The following CACNA1B variants were observed in gnomAD, a reference collection of about 807,000 sequenced individuals.
CACNA1B encodes the protein voltage-dependent N-type calcium channel subunit alpha-1B.
CACNA1B carries 70 observed loss-of-function variants against 247.2 expected under a neutral mutation model. That is an observed-to-expected ratio of 0.28 (90% CI 0.23 to 0.35). The LOEUF (loss-of-function observed/expected upper bound fraction) is 0.35. Ranked by LOEUF, CACNA1B falls within the 10% of genes least tolerant of loss-of-function variation. CACNA1B has a pLI of 1.00. For synonymous variants in CACNA1B, 1,231 were observed against 1,294.4 expected (o/e 0.95, Z 1.05); for missense variants, 2,367 against 3,197.4 (o/e 0.74, Z 6.26).
At chr9:138,032,407 A>G (rs1277146181) in intron 20 of CACNA1B, among the ~76,000 whole-genome samples, 1 of 152,184 alleles carries the variant, frequency 6.6e-6, no homozygotes, top group Non-Finnish European at 1.5e-5. Flanking sequence ...GTCACACATA[A>G]TTTAGAAAAC....
chr9:138,023,237 G>A lies in CACNA1B; in HGVS notation c.2494G>A (p.Gly832Ser). The change falls in exon 19 of 47, where the codon GGC becomes AGC. Residue 832 changes from glycine (G) to serine (S), a missense_variant. By Grantham distance (56) the Gly-to-Ser change is moderately conservative. Around this residue, in one of 12 missense-constraint regions of CACNA1B, gnomAD observed 631 missense variants for 631.1 expected, o/e 1.00. Coordinates refer to ENST00000371372, the MANE Select transcript of CACNA1B (RefSeq NM_000718.4). ...CGACGGCGCGCGGGGGCCCGTGGGA[G>A]GCAAAGCCCGACCTGAGGCTGCGGA... ...GRDGARGPVGGKARPEAAEAP... is the reference protein window; with the variant it reads ...GRDGARGPVGSKARPEAAEAP... 6.6e-7 allele frequency: 1 copy of A among 1,513,472 alleles called. No homozygotes were observed. Among genetic ancestry groups the A allele is most frequent in the Non-Finnish European group, 8.8e-7 (1 of 1,139,222 alleles). 93.8% of individuals were successfully genotyped at this position (1,513,472 alleles called of 1,614,324 possible).
At chr9:138,101,035 G>T (rs1330128913) in intron 37 of CACNA1B, 3 of 467,928 alleles carry the variant, frequency 6.4e-6, no homozygotes, top group Non-Finnish European at 1.3e-5. Flanking sequence ...CCCATCACAG[G>T]CTGGGCGGGC....
In CACNA1B at chr9:137,975,354, C is replaced by T. The variant is rs1003029064; in HGVS notation, c.1544-553C>T. ...GGAGGTCTACCCTCGGGGCAGCAAA[C>T]GTGAACAGAATACAAGTCAGCCACA... On this transcript the variant is annotated intron_variant, in intron 11 of 46. Transcript: ENST00000371372. Among the ~76,000 whole-genome samples, 8 of 152,090 alleles carry T rather than the reference C, an allele frequency of 5.3e-5. 1 individual carries two copies. Among genetic ancestry groups the T allele is most frequent in the South Asian group, 4.1e-4 (2 of 4,820 alleles).
chr9:137,936,315 C>T (rs1222321599), intron 6 of CACNA1B, among the ~76,000 whole-genome samples: 1 of 152,152 alleles, frequency 6.6e-6, no homozygotes, highest in Non-Finnish European at 1.5e-5. Flanking sequence ...CCTTTGCCCA[C>T]TTTTTGATGG....
At chr9:138,118,383 G>A (rs1173988361) in intron 43 of CACNA1B, among the ~76,000 whole-genome samples, 1 of 101,170 alleles carries the variant, frequency 9.9e-6, no homozygotes, top group Non-Finnish European at 2.0e-5. Flanking sequence ...TGGGGAACAT[G>A]TGAGACTAGG....
At chr9:137,907,467 C>G (rs1386525027) in intron 3 of CACNA1B, among the ~76,000 whole-genome samples, 1 of 152,200 alleles carries the variant, frequency 6.6e-6, no homozygotes, top group African/African-American at 2.4e-5. Flanking sequence ...TTCTACAGTT[C>G]TCTCTTCCAA....
chr9:137,921,879 G>GGAGGT (rs1957485975), intron 6 of CACNA1B, among the ~76,000 whole-genome samples: 1 of 54,964 alleles, frequency 1.8e-5, no homozygotes, highest in Non-Finnish European at 3.5e-5. Context: ...GATCAGCACT[G>GGAGGT]CAGCCGCGCA....
chr9:138,023,234 G>A lies in CACNA1B; in HGVS notation c.2491G>A (p.Gly831Arg), dbSNP rs891641720. The A allele has an allele frequency of 1.6e-5, 24 of 1,512,904 alleles. No homozygotes were observed. Among genetic ancestry groups the A allele is most frequent in the Middle Eastern group, 2.0e-4 (1 of 4,898 alleles). The allele number at this position is 1,512,904 out of a possible 1,614,324, so 93.7% of individuals were successfully genotyped here. ...LGRDGARGPV[G>R]GKARPEAAEA... ...CCGCGACGGCGCGCGGGGGCCCGTG[G>A]GAGGCAAAGCCCGACCTGAGGCTGC... The change falls in exon 19 of 47, where the codon GGA (glycine) becomes AGA (arginine). Residue 831 changes from glycine to arginine, a missense_variant. This residue lies in a region of CACNA1B where 631 missense variants were observed against 631.1 expected (regional missense o/e 1.00). Coordinates refer to ENST00000371372, the MANE Select transcript of CACNA1B (RefSeq NM_000718.4).
chr9:137,952,495 T>C lies in CACNA1B; in HGVS notation c.1070+118T>C, dbSNP rs1286342868. On this transcript the variant is annotated intron_variant, in intron 7 of 46. Transcript: ENST00000371372. The surrounding 1 kb of genome is among the most constrained non-coding windows in gnomAD (Gnocchi z 4.8). ...GGCCCATGGGTGCCCTCTGTGGTGG[T>C]TGCCCCTGGTGTTCTGGGTTCTGGT... 8.8e-6 allele frequency: 7 copies of C among 797,186 alleles called. No homozygotes were observed. In the East Asian group the frequency reaches 1.6e-4, roughly 18 times the overall value. The allele number at this position is 797,186 out of a possible 1,614,324, so 49.4% of individuals were successfully genotyped here. A position where few individuals can be genotyped will look rare whatever the true frequency, so the allele number is the denominator to read the frequency against.
At chr9:138,112,320 GC>G in intron 39 of CACNA1B, 77 bp from the exon 40 acceptor site, 1 of 987,262 alleles carries the variant, frequency 1.0e-6, no homozygotes, top group Non-Finnish European at 1.6e-6. Flanking sequence ...ACCTGCACCA[GC>G]TCTGCCCCAT....
chr9:137,981,393 C>T (rs373683783), intron 12 of CACNA1B, among the ~76,000 whole-genome samples: 34 of 152,178 alleles, frequency 2.2e-4, no homozygotes, highest in African/African-American at 7.7e-4. Flanking sequence ...TATTTGACTA[C>T]AAGCAGCAAG....
intron 32 of CACNA1B, among the ~76,000 whole-genome samples, chr9:138,071,020 G>A (rs542283915): frequency 2.6e-5 from 4 of 152,270 alleles, no homozygotes; most frequent in Non-Finnish European, 4.4e-5. Flanking sequence ...GCCAGAGGCC[G>A]TGGTGGTCTT....
chr9:138,092,555 CAT>C (rs757114480), intron 36 of CACNA1B, among the ~76,000 whole-genome samples: 12 of 152,352 alleles, frequency 7.9e-5, no homozygotes, highest in African/African-American at 1.4e-4. Flanking sequence ...TTCAAACACA[CAT>C]GTTTTACTAA....
intron 8 of CACNA1B, among the ~76,000 whole-genome samples, chr9:137,956,056 TG>T (rs1250573319): frequency 6.6e-6 from 1 of 152,212 alleles, no homozygotes; most frequent in Non-Finnish European, 1.5e-5. Context: ...AGCCTAAAGC[TG>T]GTCTCTCCCC....
chr9:137,880,271 C>T lies in CACNA1B; in HGVS notation c.390+1112C>T, dbSNP rs2133216544. Among the ~76,000 whole-genome samples the T allele has an allele frequency of 6.6e-6, 1 of 152,226 alleles. No individual in the cohort carries two copies. Among genetic ancestry groups the T allele is most frequent in the Non-Finnish European group, 1.5e-5 (1 of 68,002 alleles). ...TCTTAATGGAGCACAGTCTGGAATG[C>T]CCAGTGGTCTGGGTTACGGCCGGGT... On this transcript the variant is annotated intron_variant, in intron 2 of 46. Transcript: ENST00000371372. The surrounding 1 kb of genome is among the most constrained non-coding windows in gnomAD (Gnocchi z 4.8).
chr9:138,029,116 A>G (rs1958956842), intron 20 of CACNA1B, among the ~76,000 whole-genome samples: 1 of 152,242 alleles, frequency 6.6e-6, no homozygotes. Flanking sequence ...AATGTCAGCC[A>G]GAAAAGTCAA....
At chr9:137,935,416 C>T (rs564015729) in intron 6 of CACNA1B, among the ~76,000 whole-genome samples, 2 of 152,308 alleles carry the variant, frequency 1.3e-5, no homozygotes, top group Admixed American at 6.5e-5. Context: ...ATCCATGTCC[C>T]TACAAAGGAC....
chr9:138,008,473 G>A (rs1958682497), intron 16 of CACNA1B, among the ~76,000 whole-genome samples: 1 of 152,248 alleles, frequency 6.6e-6, no homozygotes, highest in South Asian at 2.1e-4. Context: ...CCTGGCCTCA[G>A]TGTCCTGCCC....
In CACNA1B at chr9:138,042,349, C is replaced by T. The variant is rs993804956; in HGVS notation, c.3287-1425C>T. 4.6e-5 allele frequency among the ~76,000 whole-genome samples: 7 copies of T among 152,056 alleles called. No homozygotes were observed. In the East Asian group the frequency reaches 7.7e-4, roughly 17 times the overall value. ...CCTGTAATCCCAGCTACTCGGGATG[C>T]GGAGGCAGGAGAATCACTTGAACTC... On this transcript the variant is annotated intron_variant, in intron 20 of 46. Transcript: ENST00000371372.
Sources: gnomAD v4.1 joint callset for allele counts (sites outside exome capture counted in the v4.1 genomes callset) on GRCh38, gnomAD v4.1.1 for gene constraint, gnomAD v4.1.1 regional missense constraint, Gnocchi (gnomAD v3.1) non-coding constraint, MANE v1.5 for transcripts, NCBI Gene and HGNC (gene_info 2026-07-23, HGNC 2026-07-21) for gene names.